Variants in EPHA6 observed in about 807,000 individuals in gnomAD.
The protein encoded by EPHA6 is EPH receptor A6.
Under a neutral mutation model 112.0 loss-of-function variants are expected in EPHA6, and 50 were observed. The observed-to-expected ratio is 0.45, with a 90% CI of 0.36 to 0.56. EPHA6 has a LOEUF of 0.56. Among genes scored for constraint, EPHA6 ranks in the 20% least tolerant of loss-of-function variants. The pLI is 0.00. For synonymous variants in EPHA6, 529 were observed against 490.7 expected (o/e 1.08, Z -1.03); for missense variants, 1,280 against 1,417.4 (o/e 0.90, Z 1.56).
At chr3:97,109,744 T>C (rs1050163577) in intron 3 of EPHA6, among the ~76,000 whole-genome samples, 2 of 152,160 alleles carry the variant, frequency 1.3e-5, no homozygotes, top group African/African-American at 4.8e-5. Context: ...CAATGTACTA[T>C]GACAGATGCT....
chr3:96,837,127 G>C (rs1333531878), intron 1 of EPHA6, among the ~76,000 whole-genome samples: 1 of 152,046 alleles, frequency 6.6e-6, no homozygotes, highest in Non-Finnish European at 1.5e-5. Flanking sequence ...TTTCATATTG[G>C]CTATTGTAGA....
chr3:96,954,307 G>A (rs893744671), intron 2 of EPHA6, among the ~76,000 whole-genome samples: 1 of 152,114 alleles, frequency 6.6e-6, no homozygotes, highest in Admixed American at 6.5e-5. Context: ...GTCTTATTAA[G>A]AATAAAAGCC....
intron 10 of EPHA6, among the ~76,000 whole-genome samples, chr3:97,508,231 C>G (rs1016898363): frequency 1.3e-5 from 2 of 151,862 alleles, no homozygotes; most frequent in African/African-American, 4.8e-5. Flanking sequence ...GCTCTTGCTT[C>G]TCTAGTTCTT....
At chr3:97,100,648 G>C (rs1327103224) in intron 3 of EPHA6, among the ~76,000 whole-genome samples, 2 of 151,696 alleles carry the variant, frequency 1.3e-5, no homozygotes, top group African/African-American at 2.4e-5. Flanking sequence ...GAACAAGACA[G>C]GATAACTGGG....
intron 3 of EPHA6, among the ~76,000 whole-genome samples, chr3:97,020,492 A>G (rs989247779): frequency 1.3e-5 from 2 of 152,230 alleles, no homozygotes; most frequent in African/African-American, 4.8e-5. Flanking sequence ...TGGAGCATAG[A>G]TGAAGAGTCA....
chr3:97,180,919 A>T (rs904847849), intron 3 of EPHA6, among the ~76,000 whole-genome samples: 2 of 150,530 alleles, frequency 1.3e-5, no homozygotes, highest in Non-Finnish European at 3.0e-5. Context: ...CTGTCTCTGG[A>T]CCTATTTCAG....
intron 2 of EPHA6, among the ~76,000 whole-genome samples, chr3:96,969,870 A>G (rs2042251467): frequency 6.6e-6 from 1 of 152,022 alleles, no homozygotes; most frequent in African/African-American, 2.4e-5. Flanking sequence ...TGTAATGTGT[A>G]CAGGACATCA....
At chr3:97,494,807 C>A (rs1183648727) in intron 10 of EPHA6, among the ~76,000 whole-genome samples, 1 of 152,190 alleles carries the variant, frequency 6.6e-6, no homozygotes, top group Admixed American at 6.5e-5. Flanking sequence ...CCACACCACA[C>A]CATTACCCTT....
chr3:97,475,823 T>C (rs1046471486), intron 8 of EPHA6, among the ~76,000 whole-genome samples: 1 of 152,166 alleles, frequency 6.6e-6, no homozygotes, highest in Non-Finnish European at 1.5e-5. Flanking sequence ...CCTAGTGTTA[T>C]AGAAATATAA....
chr3:97,610,957 T>C (rs780893211), intron 13 of EPHA6, 103 bp downstream of exon 13: 191 of 969,306 alleles, frequency 2.0e-4, no homozygotes, highest in Non-Finnish European at 3.0e-5. Context: ...TCATGGATTT[T>C]CTGTGAAGAA....
chr3:96,980,305 G>A (rs2042710390), intron 2 of EPHA6, among the ~76,000 whole-genome samples: 1 of 152,148 alleles, frequency 6.6e-6, no homozygotes, highest in Admixed American at 6.5e-5. Flanking sequence ...TTATTAAATA[G>A]GGAATCCTTT....
At chr3:97,250,940 C>T (rs1363545943) in intron 5 of EPHA6, among the ~76,000 whole-genome samples, 1 of 151,642 alleles carries the variant, frequency 6.6e-6, no homozygotes, top group African/African-American at 2.4e-5. Flanking sequence ...GGTCTTGGCT[C>T]ACTGCAACCT....
chr3:96,911,393 G>T (rs1297545517), intron 2 of EPHA6, among the ~76,000 whole-genome samples: 1 of 151,878 alleles, frequency 6.6e-6, no homozygotes, highest in African/African-American at 2.4e-5. Flanking sequence ...TGTTTTTATT[G>T]TGGAAAGCTT....
At chr3:97,058,156 C>T (rs1196677805) in intron 3 of EPHA6, among the ~76,000 whole-genome samples, 1 of 151,236 alleles carries the variant, frequency 6.6e-6, no homozygotes, top group Non-Finnish European at 1.5e-5. Context: ...TTTTTATAAA[C>T]ATTACCACAT....
chr3:97,396,712 A>T (rs2086714922), intron 5 of EPHA6, among the ~76,000 whole-genome samples: 1 of 151,806 alleles, frequency 6.6e-6, no homozygotes, highest in South Asian at 2.1e-4. Flanking sequence ...GAGATTTAGC[A>T]TTCTTATCTT....
At chr3:97,434,212 G>T (rs2089685671) in intron 6 of EPHA6, among the ~76,000 whole-genome samples, 1 of 152,050 alleles carries the variant, frequency 6.6e-6, no homozygotes, top group Non-Finnish European at 1.5e-5. Context: ...TAACAGCATA[G>T]AATTTAGAGC....
chr3:97,173,482 A>T lies in EPHA6; in HGVS notation c.1115-52782A>T, dbSNP rs111879185. On this transcript the variant is annotated intron_variant, in intron 3 of 17. Transcript: ENST00000389672. ...ATCATTTAGATTCTAGTCCTAAAAT[A>T]TGCCAGGATAGCAGCAGAGTGGGAA... Among the ~76,000 whole-genome samples the T allele has an allele frequency of 1.4e-3, 218 of 151,996 alleles. 2 individuals are homozygous for T. Among genetic ancestry groups the T allele is most frequent in the African/African-American group, 5.0e-3 (209 of 41,578 alleles).
At chr3:97,002,428 C>A (rs773649430) in intron 3 of EPHA6, among the ~76,000 whole-genome samples, 2 of 145,836 alleles carry the variant, frequency 1.4e-5, no homozygotes, top group African/African-American at 2.5e-5. Context: ...TTCAGAAATT[C>A]TCTTTCATCT....
intron 14 of EPHA6, among the ~76,000 whole-genome samples, chr3:97,657,217 G>T (rs535231985): frequency 6.6e-6 from 1 of 151,688 alleles, no homozygotes; most frequent in East Asian, 1.9e-4. Context: ...TTTTCTAAAG[G>T]CTCTTTTTTT....
Sources: gnomAD v4.1 joint callset for allele counts (sites outside exome capture counted in the v4.1 genomes callset) on GRCh38, gnomAD v4.1.1 for gene constraint, MANE v1.5 for transcripts, NCBI Gene and HGNC (gene_info 2026-07-23, HGNC 2026-07-21) for gene names.